Variants in DNAH14 observed in about 807,000 individuals in gnomAD.
The protein encoded by DNAH14 is axonemal beta dynein heavy chain 14.
A neutral mutation model predicts 520.9 loss-of-function variants in DNAH14; 478 were observed. The observed-to-expected ratio is 0.92, with a 90% CI of 0.85 to 0.99. The LOEUF (loss-of-function observed/expected upper bound fraction) is 0.99. DNAH14 is among the 50% of genes least tolerant of loss of function. The probability of loss-of-function intolerance (pLI) is 0.00; values close to 1 mark genes in which losing one functional copy is unlikely to be tolerated. For synonymous variants in DNAH14, 1,581 were observed against 1,757.2 expected (o/e 0.90, Z 2.51); for missense variants, 4,831 against 5,234.5 (o/e 0.92, Z 2.38).
At chr1:225,088,802 A>T (rs2074061234) in intron 21 of DNAH14, among the ~76,000 whole-genome samples, 1 of 152,238 alleles carries the variant, frequency 6.6e-6, no homozygotes, top group Admixed American at 6.5e-5. Flanking sequence ...GTAAACTGGA[A>T]TATTAAAAAC....
In DNAH14 at chr1:224,947,547, T is replaced by C. The variant is rs114282221; in HGVS notation, c.-33-5123T>C. 7.6e-3 allele frequency among the ~76,000 whole-genome samples: 1,159 copies of C among 152,274 alleles called. 18 individuals are homozygous for C. Among genetic ancestry groups the C allele is most frequent in the African/African-American group, 0.026 (1,099 of 41,570 alleles). On this transcript the variant is annotated intron_variant, in intron 1 of 85. Transcript: ENST00000682510. ...TTTTGATCCTCTTGATTGAGGTTTA[T>C]TTTCTATTTTTAAACATTTCTGCTT...
chr1:225,257,814 C>A, intron 44 of DNAH14, 146 bp from the exon 45 acceptor site: 1 of 605,916 alleles, frequency 1.7e-6, no homozygotes. Context: ...GGATTACAGG[C>A]GTGAGCCACC....
chr1:224,998,229 C>G (rs929812445), intron 8 of DNAH14, among the ~76,000 whole-genome samples: 15 of 151,984 alleles, frequency 9.9e-5, no homozygotes, highest in African/African-American at 3.6e-4. Context: ...AAAGAATCAG[C>G]TCTTTGTTTC....
intron 15 of DNAH14, among the ~76,000 whole-genome samples, chr1:225,049,765 TCTATCTAC>T (rs777934326): frequency 0.011 from 1,315 of 121,652 alleles, 8 homozygotes; most frequent in African/African-American, 0.014. Flanking sequence ...TATCTGTCTA[TCTATCTAC>T]CTATCTATCT....
chr1:225,223,755 A>G (rs1176117054), intron 41 of DNAH14, among the ~76,000 whole-genome samples: 1 of 152,204 alleles, frequency 6.6e-6, no homozygotes, highest in Admixed American at 6.5e-5. Context: ...TCAATAATGC[A>G]AGGCCAGCTC....
Position 225,240,782 on chromosome 1 carries a change from CA to C in DNAH14, c.6711del (p.Lys2237AsnfsTer13), listed in dbSNP as rs773162310. The C allele has an allele frequency of 1.9e-6, 3 of 1,549,958 alleles. No homozygotes were observed. Among genetic ancestry groups the C allele is most frequent in the East Asian group, 4.9e-5 (2 of 40,810 alleles). ...SLAKVTYDFD[K>X]LVHELFGNSS... Reference sequence around the variant, plus strand: ...TTGCAAAAGTAACATACGATTTTGACAAACTTGTTCATGAATTATTTGGAAA... The same window carrying C: ...TTGCAAAAGTAACATACGATTTTGACAACTTGTTCATGAATTATTTGGAAA... On this transcript the variant is annotated frameshift_variant, in exon 43 of 86. Coordinates refer to ENST00000682510, the MANE Select transcript of DNAH14 (RefSeq NM_001367479.1). LOFTEE classifies it high-confidence loss of function.
intron 10 of DNAH14, among the ~76,000 whole-genome samples, chr1:225,012,537 T>A (rs187287000): frequency 2.0e-5 from 3 of 152,330 alleles, no homozygotes; most frequent in Middle Eastern, 3.4e-3. Flanking sequence ...CTAGATTGGA[T>A]AATATCCTGA....
At chr1:225,009,610 A>T (rs1308399662) in intron 10 of DNAH14, among the ~76,000 whole-genome samples, 1 of 152,130 alleles carries the variant, frequency 6.6e-6, no homozygotes, top group Non-Finnish European at 1.5e-5. Flanking sequence ...TTCCATATTA[A>T]ATTTAAAGTA....
chr1:225,031,816 A>C (rs879327948), intron 11 of DNAH14, among the ~76,000 whole-genome samples: 2 of 152,068 alleles, frequency 1.3e-5, no homozygotes, highest in African/African-American at 2.4e-5. Context: ...TGAATGGTCA[A>C]TATCCATTTA....
chr1:225,395,552 A>G (rs1244544863), intron 84 of DNAH14, among the ~76,000 whole-genome samples: 2 of 149,052 alleles, frequency 1.3e-5, no homozygotes, highest in East Asian at 4.0e-4. Context: ...AGATCGCGCC[A>G]CTGCGCTCCA....
At position 225,333,332 on chromosome 1, in the gene DNAH14, AG is replaced by A. The variant is rs1558415065; in HGVS notation, c.9907del (p.Glu3303LysfsTer20). The stretch of plus-strand genomic sequence containing the variant: ...CAATCAATCAAATAGATAACAAATT[AG>A]AAGGAATTTTGGGTGACATACTTCT... ...ETINQIDNKL[E>X]GILGDILLSA... On this transcript the variant is annotated frameshift_variant, in exon 66 of 86. Transcript: ENST00000682510. LOFTEE classifies it high-confidence loss of function. 1 of 1,551,742 alleles carries A rather than the reference AG, an allele frequency of 6.4e-7. No homozygotes were observed. Among genetic ancestry groups the A allele is most frequent in the Non-Finnish European group, 8.7e-7 (1 of 1,146,876 alleles).
intron 71 of DNAH14, among the ~76,000 whole-genome samples, chr1:225,347,201 C>T (rs1401672669): frequency 6.6e-6 from 1 of 152,126 alleles, no homozygotes; most frequent in African/African-American, 2.4e-5. Flanking sequence ...TTTAAGTCTG[C>T]AAGATGGCAG....
chr1:225,031,629 C>T (rs910660141), intron 11 of DNAH14, among the ~76,000 whole-genome samples: 2 of 152,048 alleles, frequency 1.3e-5, no homozygotes, highest in African/African-American at 4.8e-5. Context: ...GCTATTCTTA[C>T]AGGCTAATAC....
At chr1:224,945,453 T>C (rs984847399) in intron 1 of DNAH14, among the ~76,000 whole-genome samples, 3 of 152,184 alleles carry the variant, frequency 2.0e-5, no homozygotes, top group Non-Finnish European at 4.4e-5. Flanking sequence ...CTCTTTTAGC[T>C]CAGAGTAGTT....
At chr1:225,042,750 T>A in intron 12 of DNAH14, 85 bp from the exon 13 acceptor site, 1 of 1,401,486 alleles carries the variant, frequency 7.1e-7, no homozygotes, top group Non-Finnish European at 9.5e-7. Flanking sequence ...TGATTTCTCA[T>A]TTAAAATTTT....
chr1:225,024,102 G>A, intron 11 of DNAH14: 1 of 1,102,908 alleles, frequency 9.1e-7, no homozygotes, highest in African/African-American at 1.6e-5. Context: ...AATAATTTTA[G>A]TATACTTCAA....
intron 82 of DNAH14, among the ~76,000 whole-genome samples, chr1:225,388,953 G>A (rs757853548): frequency 1.3e-5 from 2 of 152,132 alleles, no homozygotes; most frequent in Non-Finnish European, 2.9e-5. Flanking sequence ...AGTAGAGAAG[G>A]GGTTTCACCA....
chr1:225,337,609 A>G (rs920045805), intron 67 of DNAH14, 113 bp downstream of exon 67: 3 of 761,786 alleles, frequency 3.9e-6, no homozygotes, highest in African/African-American at 1.8e-5. Flanking sequence ...AAAAATAATA[A>G]CAGACATACA....
rs1011355277 is a variant in DNAH14, at chr1:225,381,165, C to T, written c.12881-218C>T. Among the ~76,000 whole-genome samples the T allele has an allele frequency of 3.9e-5, 6 of 152,044 alleles. 1 individual carries two copies. The highest frequency in any genetic ancestry group is 5.9e-5 in the Non-Finnish European group (4 of 68,018). On this transcript the variant is annotated intron_variant, in intron 80 of 85. Coordinates refer to ENST00000682510, the MANE Select transcript of DNAH14 (RefSeq NM_001367479.1). ...ATCCACACATAGTAGATAGTGTGGC[C>T]GCACCCACACTACAAGGGGAGAGCT...
Sources: gnomAD v4.1 joint callset for allele counts (sites outside exome capture counted in the v4.1 genomes callset) on GRCh38, gnomAD v4.1.1 for gene constraint, MANE v1.5 for transcripts, NCBI Gene and HGNC (gene_info 2026-07-23, HGNC 2026-07-21) for gene names.